Variants in FAM47E observed in about 807,000 individuals in gnomAD.
The protein encoded by FAM47E is protein FAM47E.
A neutral mutation model predicts 41.6 loss-of-function variants in FAM47E; 32 were observed. The ratio of observed to expected loss-of-function variants is 0.77; its 90% CI spans 0.58 to 1.03. The LOEUF (loss-of-function observed/expected upper bound fraction) is 1.03, where lower values mean the gene tolerates loss of function less well. Ranked by LOEUF, FAM47E falls within the 50% of genes least tolerant of loss-of-function variation. The pLI, the probability that FAM47E is intolerant of heterozygous loss-of-function variation, is 0.00. For missense variants in FAM47E, 424 were observed against 485.4 expected (o/e 0.87, Z 1.19); for synonymous variants, 184 against 188.7 (o/e 0.98, Z 0.20).
chr4:76,227,599 ATCTG>A (rs915280821), intron 2 of FAM47E, among the ~76,000 whole-genome samples: 6 of 152,282 alleles, frequency 3.9e-5, no homozygotes, highest in African/African-American at 1.4e-4. Flanking sequence ...TGTCTTGATG[ATCTG>A]TCTAATGCAG....
intron 3 of FAM47E, chr4:76,268,362 T>G: frequency 4.0e-6 from 1 of 251,064 alleles, no homozygotes; most frequent in Non-Finnish European, 7.6e-6. Flanking sequence ...GCACAGTAAT[T>G]TGGGCTTTTA....
chr4:76,223,871 T>C lies in FAM47E; in HGVS notation c.81+6183T>C, dbSNP rs184814251. On this transcript the variant is annotated intron_variant, in intron 2 of 7. Transcript: ENST00000510197. ...CCTCAGAGTGAGTCTCCCTGGACTATTGAAGATCACTATGTCTTGGGACAT... is the reference window on the plus strand; with the variant it reads ...CCTCAGAGTGAGTCTCCCTGGACTACTGAAGATCACTATGTCTTGGGACAT... Among the ~76,000 whole-genome samples the C allele has an allele frequency of 3.2e-4, 48 of 152,256 alleles. 1 individual carries two copies. Among genetic ancestry groups the C allele is most frequent in the Middle Eastern group, 6.8e-3 (2 of 294 alleles).
At chr4:76,232,400 C>T (rs1258527113) in intron 2 of FAM47E, among the ~76,000 whole-genome samples, 1 of 152,188 alleles carries the variant, frequency 6.6e-6, no homozygotes, top group Non-Finnish European at 1.5e-5. Flanking sequence ...AGTTCTACGG[C>T]TTATTCTAAA....
chr4:76,270,257 C>T (rs368696933), intron 4 of FAM47E, among the ~76,000 whole-genome samples: 2 of 152,168 alleles, frequency 1.3e-5, no homozygotes, highest in Non-Finnish European at 2.9e-5. Flanking sequence ...ATCCTACCAG[C>T]GAGCAACCTA....
At chr4:76,223,425 G>A (rs77613217) in intron 2 of FAM47E, among the ~76,000 whole-genome samples, 8 of 152,162 alleles carry the variant, frequency 5.3e-5, no homozygotes, top group Non-Finnish European at 1.0e-4. Flanking sequence ...ATCAAAATTT[G>A]GCTGGGTACT....
chr4:76,251,575 C>A (rs1484915363), upstream of FAM47E: 2 of 1,275,156 alleles, frequency 1.6e-6, no homozygotes, highest in Non-Finnish European at 2.0e-6. Flanking sequence ...TCGGCCAGGT[C>A]CACGTCCCCA....
chr4:76,251,767 GC>G lies in FAM47E; in HGVS notation c.22del (p.Leu8SerfsTer13). 6.7e-7 allele frequency: 1 copy of G among 1,487,492 alleles called. No homozygotes were observed. Among genetic ancestry groups the G allele is most frequent in the Non-Finnish European group, 8.9e-7 (1 of 1,124,908 alleles). 92.1% of individuals were successfully genotyped at this position (1,487,492 alleles called of 1,614,324 possible). On this transcript the variant is annotated frameshift_variant, in exon 1 of 8. Coordinates refer to ENST00000424749, the MANE Select transcript of FAM47E (RefSeq NM_001136570.3). LOFTEE classifies it high-confidence loss of function. MADRRRRLRPGTLAPVRE... is the reference protein window; with the variant it reads MADRRRRXRPGTLAPVRE... ...CCACCATGGCGGACCGCAGGCGGCG[GC>G]TCCGGCCGGGGACGTTGGCCCCGGT...
chr4:76,233,608 G>A (rs34369701), intron 2 of FAM47E, among the ~76,000 whole-genome samples: 20,516 of 150,414 alleles, frequency 0.14, 1,659 homozygotes, highest in East Asian at 0.34. Flanking sequence ...ACACACATAT[G>A]TAACTGACAA....
chr4:76,268,381 A>G (rs1235667986), intron 3 of FAM47E: 2 of 303,538 alleles, frequency 6.6e-6, no homozygotes, highest in East Asian at 8.8e-5. Context: ...TACCCAGTAC[A>G]TGTTTTAATA....
chr4:76,247,988 C>T (rs1383879648), upstream of FAM47E, among the ~76,000 whole-genome samples: 2 of 138,828 alleles, frequency 1.4e-5, no homozygotes, highest in Non-Finnish European at 3.0e-5. Flanking sequence ...AATCTCGGCT[C>T]ACTGCAAGCT....
chr4:76,225,131 T>C (rs1733372393), intron 2 of FAM47E, among the ~76,000 whole-genome samples: 1 of 152,242 alleles, frequency 6.6e-6, no homozygotes, highest in African/African-American at 2.4e-5. Context: ...CTCCTTTTTA[T>C]GGCTGAGTAG....
At chr4:76,264,891 G>A (rs914532798) in intron 3 of FAM47E, among the ~76,000 whole-genome samples, 14 of 152,154 alleles carry the variant, frequency 9.2e-5, no homozygotes, top group African/African-American at 2.4e-4. Context: ...CCACTGGGCC[G>A]GGCCTACATT....
chr4:76,249,005 A>G (rs1733893019), upstream of FAM47E, among the ~76,000 whole-genome samples: 1 of 152,148 alleles, frequency 6.6e-6, no homozygotes, highest in Admixed American at 6.5e-5. Flanking sequence ...CCAGAAAAAC[A>G]AGCATTTGAA....
chr4:76,263,958 A>C (rs957471415), intron 3 of FAM47E, 115 bp downstream of exon 3: 35 of 1,426,236 alleles, frequency 2.5e-5, no homozygotes, highest in Middle Eastern at 1.9e-4. Flanking sequence ...AATGTAACTA[A>C]GTTCCCAAGG....
intron 2 of FAM47E, among the ~76,000 whole-genome samples, chr4:76,240,456 G>T (rs1733684492): frequency 6.6e-6 from 1 of 151,978 alleles, no homozygotes; most frequent in Non-Finnish European, 1.5e-5. Context: ...CAAGTTTTTG[G>T]TCATAATTTC....
intron 2 of FAM47E, among the ~76,000 whole-genome samples, chr4:76,220,397 CAGG>C (rs1449318526): frequency 6.6e-6 from 1 of 152,154 alleles, no homozygotes; most frequent in Non-Finnish European, 1.5e-5. Context: ...GAGACTGAGG[CAGG>C]AGGATTGCTT....
chr4:76,251,160 G>T (rs1325347393), upstream of FAM47E, among the ~76,000 whole-genome samples: 4 of 152,096 alleles, frequency 2.6e-5, no homozygotes, highest in African/African-American at 7.3e-5. Context: ...CAGCTGGATG[G>T]TACTTGTCTG....
intron 2 of FAM47E, among the ~76,000 whole-genome samples, chr4:76,222,636 CACATTCTTTCAGAGTCA>C (rs1733329878): frequency 6.6e-6 from 1 of 152,212 alleles, no homozygotes; most frequent in Non-Finnish European, 1.5e-5. Flanking sequence ...TTTGGTCCTT[CACATTCTTTCAGAGTCA>C]ACAGCACAAA....
chr4:76,236,598 G>A (rs1733589899), intron 2 of FAM47E: 1 of 143,048 alleles, frequency 7.0e-6, no homozygotes, highest in Non-Finnish European at 1.5e-5. Flanking sequence ...ACATTAGAGA[G>A]ACATGAGACT....
Sources: allele counts gnomAD v4.1 joint callset (sites outside exome capture counted in the v4.1 genomes callset), GRCh38; gene constraint gnomAD v4.1.1; transcripts MANE v1.5; gene names NCBI Gene and HGNC (gene_info 2026-07-23, HGNC 2026-07-21).